The following MYO6 variants were observed in gnomAD, a reference collection of about 807,000 sequenced individuals.
The protein encoded by MYO6 is unconventional myosin-VI.
A neutral mutation model predicts 178.7 loss-of-function variants in MYO6; 74 were observed. That is an observed-to-expected ratio of 0.41 (90% confidence interval 0.34 to 0.50). The LOEUF is 0.50. Ranked by LOEUF, MYO6 falls within the 20% of genes least tolerant of loss-of-function variation. The pLI is 0.09. For synonymous variants in MYO6, 477 were observed against 504.6 expected (o/e 0.95, Z 0.73); for missense variants, 1,330 against 1,547.4 (o/e 0.86, Z 2.36).
chr6:75,794,629 C>T (rs969724092), intron 1 of MYO6, among the ~76,000 whole-genome samples: 8 of 150,196 alleles, frequency 5.3e-5, no homozygotes, highest in African/African-American at 1.2e-4. Flanking sequence ...TACCTAGGAG[C>T]GAGCAGTGAA....
At chr6:75,804,754 C>G (rs1769833271) in intron 1 of MYO6, among the ~76,000 whole-genome samples, 1 of 151,692 alleles carries the variant, frequency 6.6e-6, no homozygotes, top group South Asian at 2.1e-4. Flanking sequence ...TTCTGTTTGC[C>G]ATATGCTTTC....
At chr6:75,780,428 C>T (rs1026393512) in intron 1 of MYO6, among the ~76,000 whole-genome samples, 87 of 151,994 alleles carry the variant, frequency 5.7e-4, no homozygotes, top group African/African-American at 1.9e-3. Flanking sequence ...GGTGACAGAG[C>T]GAGACTCTAT....
At chr6:75,753,455 G>GTGTGTATATATATA (rs370647728) in intron 1 of MYO6, among the ~76,000 whole-genome samples, 7 of 140,056 alleles carry the variant, frequency 5.0e-5, no homozygotes, top group African/African-American at 1.3e-4. Flanking sequence ...GTGTGTGTGT[G>GTGTGTATATATATA]TATATATATA....
chr6:75,786,571 A>G (rs1402356318), intron 1 of MYO6, among the ~76,000 whole-genome samples: 3 of 152,110 alleles, frequency 2.0e-5, no homozygotes, highest in South Asian at 4.1e-4. Flanking sequence ...ATAATGTTTT[A>G]TAGTTTCTTT....
chr6:75,755,668 A>G (rs1184188604), intron 1 of MYO6, among the ~76,000 whole-genome samples: 2 of 152,214 alleles, frequency 1.3e-5, no homozygotes, highest in African/African-American at 2.4e-5. Context: ...GATAGTTACA[A>G]CTGTCTTTGT....
At chr6:75,887,073 A>AAAACG (rs1330914800) in intron 25 of MYO6, 79 bp downstream of exon 25, 31 of 1,398,022 alleles carry the variant, frequency 2.2e-5, no homozygotes, top group Non-Finnish European at 3.1e-5. Context: ...AATTGTATAG[A>AAAACG]AAACGTCCTT....
At chr6:75,765,919 T>G (rs1249175564) in intron 1 of MYO6, among the ~76,000 whole-genome samples, 1 of 151,948 alleles carries the variant, frequency 6.6e-6, no homozygotes, top group African/African-American at 2.4e-5. Flanking sequence ...TTCCAGCTAT[T>G]TTGGAGGCTG....
At chr6:75,900,936 T>G (rs376166209) in intron 30 of MYO6, among the ~76,000 whole-genome samples, 33,084 of 148,628 alleles carry the variant, frequency 0.22, 4,823 homozygotes, top group Middle Eastern at 0.38. Context: ...GGATCCAGTT[T>G]CAGCTTTCTA....
chr6:75,756,356 G>A (rs1487255592), intron 1 of MYO6, among the ~76,000 whole-genome samples: 1 of 151,418 alleles, frequency 6.6e-6, no homozygotes, highest in African/African-American at 2.4e-5. Flanking sequence ...TTTTTGAGAC[G>A]GAGTCTCGCT....
chr6:75,841,458 G>A (rs1774216872), intron 9 of MYO6, 80 bp downstream of exon 9: 3 of 1,384,288 alleles, frequency 2.2e-6, no homozygotes, highest in African/African-American at 1.4e-5. Flanking sequence ...GGAGGCTGAG[G>A]CGGATGGATT....
chr6:75,820,625 G>A (rs1201556005), intron 2 of MYO6, among the ~76,000 whole-genome samples: 1 of 152,014 alleles, frequency 6.6e-6, no homozygotes, highest in East Asian at 1.9e-4. Context: ...CCTGCCTGGG[G>A]CTCCCAAAGT....
chr6:75,851,619 A>G (rs1775270078), intron 11 of MYO6, among the ~76,000 whole-genome samples: 1 of 151,104 alleles, frequency 6.6e-6, no homozygotes, highest in Non-Finnish European at 1.5e-5. Context: ...CCTGGGCGAC[A>G]TAGTGAGACC....
At chr6:75,907,781 G>GGTGTGT (rs957330651) in intron 31 of MYO6, 73 bp downstream of exon 31, 70 of 1,035,502 alleles carry the variant, frequency 6.8e-5, no homozygotes, top group African/African-American at 6.3e-4. Context: ...ATTAGGGTGA[G>GGTGTGT]GTGTGTGTGT....
At chr6:75,845,419 G>A (rs1384456301) in intron 10 of MYO6, among the ~76,000 whole-genome samples, 2 of 152,244 alleles carry the variant, frequency 1.3e-5, no homozygotes, top group East Asian at 1.9e-4. Flanking sequence ...TAGGCTAGGC[G>A]TGGTGGCTCA....
chr6:75,819,641 A>G (rs1028978716), intron 2 of MYO6, among the ~76,000 whole-genome samples: 2 of 152,256 alleles, frequency 1.3e-5, no homozygotes, highest in Non-Finnish European at 2.9e-5. Flanking sequence ...TTACATTTCA[A>G]CAACTGTGTG....
rs372008197 is a variant in MYO6, at chr6:75,891,193, G to C, written c.2868-35G>C. 1.7e-5 allele frequency: 24 copies of C among 1,414,716 alleles called. No homozygotes were observed. In the South Asian group the frequency reaches 2.4e-4, roughly 14 times the overall value. The allele number at this position is 1,414,716 out of a possible 1,614,324, so 87.6% of individuals were successfully genotyped here. ...CCTTCTGAAGGATTCTTTATTTTCT[G>C]TTAAATTTTTGAAGAGTTTTCTATT... On this transcript the variant is annotated intron_variant, in intron 26 of 34. Coordinates refer to ENST00000369977, the MANE Select transcript of MYO6 (RefSeq NM_004999.4).
Position 75,835,916 on chromosome 6 carries a change from C to A in MYO6, c.513C>A (p.Ser171=), listed in dbSNP as rs1488152195. 3 of 1,603,826 alleles carry A rather than the reference C, an allele frequency of 1.9e-6. No individual in the cohort carries two copies. The highest frequency in any genetic ancestry group is 3.3e-5 in the Admixed American group (2 of 60,000). The change falls in exon 7 of 35, where the codon TCC becomes TCA. Residue 171 remains serine, a synonymous_variant. Transcript: ENST00000369977. ...TKFVLRYLTE[S]YGTGQDIDDR... is the part of the protein sequence containing the mutation. ...TTTTAAACAGATACCTGACTGAATC[C>A]TATGGAACAGGTCAAGATATTGATG...
chr6:75,836,536 T>C (rs2150234501), intron 7 of MYO6, among the ~76,000 whole-genome samples: 1 of 152,244 alleles, frequency 6.6e-6, no homozygotes, highest in South Asian at 2.1e-4. Context: ...TACTTCTCCT[T>C]AATCCAGTCT....
At chr6:75,756,419 G>A (rs904220936) in intron 1 of MYO6, among the ~76,000 whole-genome samples, 2 of 152,028 alleles carry the variant, frequency 1.3e-5, no homozygotes, top group Non-Finnish European at 2.9e-5. Context: ...TGCAACTTCC[G>A]CCTCTCGGGT....
Sources: gnomAD v4.1 joint callset for allele counts (sites outside exome capture counted in the v4.1 genomes callset) on GRCh38, gnomAD v4.1.1 for gene constraint, MANE v1.5 for transcripts, NCBI Gene and HGNC (gene_info 2026-07-23, HGNC 2026-07-21) for gene names.